Variants in MYEF2 observed in about 807,000 individuals in gnomAD.
The protein encoded by MYEF2 is myelin expression factor 2, also known as myelin gene expression factor 2.
Under a neutral mutation model 75.2 loss-of-function variants are expected in MYEF2, and 37 were observed. That is an observed-to-expected ratio of 0.49 (90% CI 0.38 to 0.65). MYEF2 has a LOEUF of 0.65. Among genes scored for constraint, MYEF2 ranks in the 30% least tolerant of loss-of-function variants. MYEF2 has a pLI of 0.00. For missense variants in MYEF2, 634 were observed against 771.4 expected, an observed-to-expected ratio of 0.82 and a Z score of 2.11; for synonymous variants, 195 against 241.6, an observed-to-expected ratio of 0.81 and a Z score of 1.79.
intron 3 of MYEF2, among the ~76,000 whole-genome samples, chr15:48,166,371 C>T (rs868420827): frequency 7.2e-5 from 11 of 151,802 alleles, no homozygotes; most frequent in Non-Finnish European, 1.6e-4. Flanking sequence ...ACATTTTTCA[C>T]TTTTAGGTGA....
intron 1 of MYEF2, among the ~76,000 whole-genome samples, chr15:48,170,113 T>TTTG (rs1841308407): frequency 1.3e-5 from 2 of 151,926 alleles, no homozygotes; most frequent in Non-Finnish European, 2.9e-5. Context: ...TGTGGGGGTT[T>TTTG]TTGTTGCTGT....
Position 48,137,459 on chromosome 15 carries a change from A to T in MYEF2, c.*5449T>A, listed in dbSNP as rs2038930181. 1 of 152,320 alleles carries T rather than the reference A, an allele frequency of 6.6e-6. No homozygotes were observed. The highest frequency in any genetic ancestry group is 1.5e-5 in the Non-Finnish European group (1 of 68,140). The allele number at this position is 152,320 out of a possible 1,614,324, so 9.4% of individuals were successfully genotyped here. On this transcript the variant is annotated 3_prime_UTR_variant, in exon 17 of 17. Transcript: ENST00000324324. ...TAAGAAGAATCTTAAATGCTATTTT[A>T]AGAATCTTGGAAGGTTTCTGAGGAG...
rs775812510 is a variant in MYEF2 at position 48,137,000 on chromosome 15, G to A, written c.*5908C>T. 36 of 1,553,930 alleles carry A rather than the reference G, an allele frequency of 2.3e-5. No homozygotes were observed. The highest frequency in any genetic ancestry group is 1.7e-4 in the Middle Eastern group (1 of 5,804). Reference sequence around the variant, plus strand: ...ATCTTGCCCATTATTAAGTCTATTCGCAAAGGAAAAACTTTAAAATTTCAT... The same window carrying A: ...ATCTTGCCCATTATTAAGTCTATTCACAAAGGAAAAACTTTAAAATTTCAT... On this transcript the variant is annotated 3_prime_UTR_variant, in exon 17 of 17. Coordinates refer to ENST00000324324, the MANE Select transcript of MYEF2 (RefSeq NM_016132.5).
rs1042215728 is a variant in MYEF2 at position 48,141,834 on chromosome 15, A to T, written c.*1074T>A. 4 of 376,996 alleles carry T rather than the reference A, an allele frequency of 1.1e-5. No individual in the cohort carries two copies. The highest frequency in any genetic ancestry group is 1.9e-5 in the Non-Finnish European group (4 of 213,142). 23.4% of individuals were successfully genotyped at this position (376,996 alleles called of 1,614,324 possible). Reference sequence around the variant, plus strand: ...AAATGGTTTAATAAATATAATTATTAAATAAATGTTAAGACTTTAAATACT... The same window carrying T: ...AAATGGTTTAATAAATATAATTATTTAATAAATGTTAAGACTTTAAATACT... On this transcript the variant is annotated 3_prime_UTR_variant, in exon 17 of 17. Coordinates refer to ENST00000324324, the MANE Select transcript of MYEF2 (RefSeq NM_016132.5).
chr15:48,170,327 T>C (rs972203535), intron 1 of MYEF2, among the ~76,000 whole-genome samples: 9 of 152,086 alleles, frequency 5.9e-5, no homozygotes, highest in African/African-American at 2.2e-4. Flanking sequence ...GGTTTCACCA[T>C]GTTGGCCAGG....
At chr15:48,160,399 A>G (rs762902172) in intron 5 of MYEF2, among the ~76,000 whole-genome samples, 3 of 151,892 alleles carry the variant, frequency 2.0e-5, no homozygotes, top group Admixed American at 1.3e-4. Flanking sequence ...CTAAATGTCC[A>G]AGTGAGAAAT....
At chr15:48,158,974 C>G (rs2039822203) in intron 6 of MYEF2, 52 bp from the exon 7 acceptor site, 4 of 1,495,454 alleles carry the variant, frequency 2.7e-6, no homozygotes. Flanking sequence ...ATCTCCCCAT[C>G]TGTAAATACA....
At position 48,175,081 on chromosome 15, in the gene MYEF2, A is replaced by G. The variant is rs1440671259; in HGVS notation, c.161+2996T>C. ...AATGATTAAAGGAAACATGATATAT[A>G]TTATATTTTATGTTTACACAACACA... is the stretch of plus-strand genomic sequence containing the variant. On this transcript the variant is annotated intron_variant, in intron 1 of 16. Transcript: ENST00000324324. Among the ~76,000 whole-genome samples the G allele has an allele frequency of 5.3e-5, 8 of 152,156 alleles. No homozygotes were observed. The East Asian group carries it at 9.6e-4, about 18-fold the overall frequency.
At chr15:48,173,774 TA>T (rs1433022829) in intron 1 of MYEF2, among the ~76,000 whole-genome samples, 3 of 151,930 alleles carry the variant, frequency 2.0e-5, no homozygotes, top group Non-Finnish European at 4.4e-5. Flanking sequence ...ATAAAATACC[TA>T]GAAATAAATT....
At position 48,139,438 on chromosome 15, in the gene MYEF2, G is replaced by T; in HGVS notation, c.*3470C>A. The T allele has an allele frequency of 3.6e-6, 1 of 277,632 alleles. No individual in the cohort carries two copies. The highest frequency in any genetic ancestry group is 6.8e-6 in the Non-Finnish European group (1 of 147,524). The allele number at this position is 277,632 out of a possible 1,614,324, so 17.2% of individuals were successfully genotyped here. ...TCTTATAAATGAAATCAAATTCATA[G>T]GATGTCTTTTTATTATGCTAATAAT... On this transcript the variant is annotated 3_prime_UTR_variant, in exon 17 of 17. Transcript: ENST00000324324.
chr15:48,136,994 C>G lies in MYEF2; in HGVS notation c.*5914G>C, dbSNP rs777919325. The G allele has an allele frequency of 3.2e-6, 5 of 1,566,088 alleles. No individual in the cohort carries two copies. In the South Asian group the frequency reaches 6.0e-5, roughly 19 times the overall value. On this transcript the variant is annotated 3_prime_UTR_variant, in exon 17 of 17. Transcript: ENST00000324324. ...CACTAAATCTTGCCCATTATTAAGT[C>G]TATTCGCAAAGGAAAAACTTTAAAA... is the stretch of plus-strand genomic sequence containing the variant.
chr15:48,177,679 T>G (rs2040591078), intron 1 of MYEF2, among the ~76,000 whole-genome samples: 1 of 152,160 alleles, frequency 6.6e-6, no homozygotes, highest in African/African-American at 2.4e-5. Context: ...TCCGATGATG[T>G]CATCCCTAGA....
Position 48,139,062 on chromosome 15 carries a change from C to T in MYEF2, c.*3846G>A, listed in dbSNP as rs2038974879. The T allele has an allele frequency of 6.2e-7, 1 of 1,612,916 alleles. No individual in the cohort carries two copies. The highest frequency in any genetic ancestry group is 1.1e-5 in the South Asian group (1 of 91,040). On this transcript the variant is annotated 3_prime_UTR_variant, in exon 17 of 17. Coordinates refer to ENST00000324324, the MANE Select transcript of MYEF2 (RefSeq NM_016132.5). ...ATTATTACATTACTTTTTCTAACCA[C>T]ACCAGATTGTAGAAAAAAGTTTTGG...
intron 14 of MYEF2, 74 bp downstream of exon 14, chr15:48,151,026 C>T (rs892843418): frequency 8.0e-6 from 8 of 1,003,720 alleles, no homozygotes; most frequent in African/African-American, 3.3e-5. Context: ...TACTATACTA[C>T]GATAACTACT....
At chr15:48,145,715 A>G (rs954562755) in intron 16 of MYEF2, among the ~76,000 whole-genome samples, 3 of 152,054 alleles carry the variant, frequency 2.0e-5, no homozygotes, top group Admixed American at 6.6e-5. Flanking sequence ...TACTGCCTAC[A>G]TGAAGTTAAC....
Position 48,136,580 on chromosome 15 carries a change from G to A in MYEF2, c.*6328C>T, listed in dbSNP as rs2038905435. 1 of 1,066,622 alleles carries A rather than the reference G, an allele frequency of 9.4e-7. No individual in the cohort carries two copies. The highest frequency in any genetic ancestry group is 1.3e-6 in the Non-Finnish European group (1 of 743,672). The allele number at this position is 1,066,622 out of a possible 1,614,324, so 66.1% of individuals were successfully genotyped here. ...ATCTAGAAATGTTTGATTGTTCTAT[G>A]GCTACTTTTGTTAGAAAATCATTCA... On this transcript the variant is annotated 3_prime_UTR_variant, in exon 17 of 17. Transcript: ENST00000324324.
Position 48,158,002 on chromosome 15 carries a change from G to A in MYEF2, c.976C>T (p.Gln326Ter). Reference sequence around the variant, plus strand: ...AATAGCTTTTACTTACGTGGTAATTGTGGTGTTTTACCATCATGTGAACGG... The same window carrying A: ...AATAGCTTTTACTTACGTGGTAATTATGGTGTTTTACCATCATGTGAACGG... Reference protein sequence around the residue: ...EYRSHDGKTPQLPRGLGGIGM... With the variant: ...EYRSHDGKTP Residue 326 changes from glutamine (Q) to a stop codon, truncating the protein, a stop_gained, in exon 9 of 17, where the codon CAA becomes TAA. Coordinates refer to ENST00000324324, the MANE Select transcript of MYEF2 (RefSeq NM_016132.5). LOFTEE classifies it high-confidence loss of function. 1.2e-6 allele frequency: 2 copies of A among 1,612,990 alleles called. No individual in the cohort carries two copies. The highest frequency in any genetic ancestry group is 1.7e-6 in the Non-Finnish European group (2 of 1,179,314).
intron 1 of MYEF2, among the ~76,000 whole-genome samples, chr15:48,176,311 G>A (rs570707672): frequency 1.3e-5 from 2 of 149,600 alleles, no homozygotes; most frequent in East Asian, 2.0e-4. Flanking sequence ...TTATGGAATA[G>A]ACAGTAAGAG....
Position 48,149,492 on chromosome 15 carries a change from G to A in MYEF2, c.1379-121C>T. On this transcript the variant is annotated intron_variant, in intron 14 of 16. Transcript: ENST00000324324. The surrounding 1 kb of genome is among the most constrained non-coding windows in gnomAD (Gnocchi z 4.0). ...GATAAACATTTTTGAGAAAGAAGGG[G>A]GAAATTAATTTGTTTATATAATTAA... 5 of 628,418 alleles carry A rather than the reference G, an allele frequency of 8.0e-6. No homozygotes were observed. The highest frequency in any genetic ancestry group is 3.1e-4 in the Middle Eastern group (1 of 3,226). The allele number at this position is 628,418 out of a possible 1,614,324, so 38.9% of individuals were successfully genotyped here.
Sources: allele counts gnomAD v4.1 joint callset (sites outside exome capture counted in the v4.1 genomes callset), GRCh38; gene constraint gnomAD v4.1.1; non-coding constraint Gnocchi (gnomAD v3.1); transcripts MANE v1.5; gene names NCBI Gene and HGNC (gene_info 2026-07-23, HGNC 2026-07-21).